The following ADGRA3 variants were observed in gnomAD, a reference collection of about 807,000 sequenced individuals.
The protein encoded by ADGRA3 is adhesion G protein-coupled receptor A3.
Under a neutral mutation model 119.8 loss-of-function variants are expected in ADGRA3, and 56 were observed. The observed-to-expected ratio is 0.47, with a 90% CI of 0.38 to 0.58. ADGRA3 has a LOEUF of 0.58. Among genes scored for constraint, ADGRA3 ranks in the 20% least tolerant of loss-of-function variants. The pLI is 0.00. For missense variants in ADGRA3, 1,516 were observed against 1,649.0 expected (o/e 0.92, Z 1.40); for synonymous variants, 607 against 623.8 (o/e 0.97, Z 0.40).
chr4:22,486,509 C>G (rs1018989048), intron 1 of ADGRA3, among the ~76,000 whole-genome samples: 1 of 152,134 alleles, frequency 6.6e-6, no homozygotes, highest in Non-Finnish European at 1.5e-5. Flanking sequence ...TCTAAAGTCC[C>G]AGGTCCTCTG....
chr4:22,477,601 G>C (rs1243282421), intron 1 of ADGRA3: 2 of 152,112 alleles, frequency 1.3e-5, no homozygotes, highest in East Asian at 3.9e-4. Context: ...ACACGGCCAG[G>C]GTAGTGGCTG....
intron 14 of ADGRA3, among the ~76,000 whole-genome samples, chr4:22,406,471 TGTTA>T (rs1279393973): frequency 1.3e-5 from 2 of 152,198 alleles, no homozygotes; most frequent in Non-Finnish European, 2.9e-5. Context: ...CTCCACATTC[TGTTA>T]TTTTTTGTCT....
intron 14 of ADGRA3, among the ~76,000 whole-genome samples, chr4:22,410,550 A>G (rs997199710): frequency 3.3e-5 from 5 of 152,176 alleles, no homozygotes; most frequent in African/African-American, 1.2e-4. Context: ...ACTATATCCC[A>G]AGATAGGAAT....
At chr4:22,451,280 T>C (rs1717032244) in intron 4 of ADGRA3, among the ~76,000 whole-genome samples, 1 of 152,054 alleles carries the variant, frequency 6.6e-6, no homozygotes, top group African/African-American at 2.4e-5. Context: ...TAAAGAACAA[T>C]TTGAAAAAAT....
chr4:22,421,091 T>C lies in ADGRA3; in HGVS notation c.1606-2A>G, dbSNP rs2109035426. On this transcript the variant is annotated splice_acceptor_variant, in intron 11 of 18. Coordinates refer to ENST00000334304, the MANE Select transcript of ADGRA3 (RefSeq NM_145290.4). LOFTEE classifies it high-confidence loss of function. ...TTCCAGAGCAATATTGGGTGAATAC[T>C]TGAAAAGTCAATCAAACAGGAGTTA... The C allele has an allele frequency of 6.2e-7, 1 of 1,611,902 alleles. No homozygotes were observed. The highest frequency in any genetic ancestry group is 2.2e-5 in the East Asian group (1 of 44,838).
intron 1 of ADGRA3, among the ~76,000 whole-genome samples, chr4:22,494,331 G>T (rs1718737134): frequency 1.3e-5 from 2 of 151,918 alleles, no homozygotes; most frequent in African/African-American, 2.4e-5. Flanking sequence ...AAAAGGGGAG[G>T]CATGAATAAT....
Position 22,387,610 on chromosome 4 carries a change from C to A in ADGRA3, c.*95G>T, listed in dbSNP as rs1265064389. The A allele has an allele frequency of 8.2e-7, 1 of 1,215,472 alleles. No individual in the cohort carries two copies. Among genetic ancestry groups the A allele is most frequent in the South Asian group, 1.8e-5 (1 of 54,338 alleles). 75.3% of individuals were successfully genotyped at this position (1,215,472 alleles called of 1,614,324 possible). The stretch of plus-strand genomic sequence containing the variant: ...GTTTATTCCAAATTCTTTTGAATCC[C>A]TATGGTGGCTGTAAACAGTTTTTAA... On this transcript the variant is annotated 3_prime_UTR_variant, in exon 19 of 19. Coordinates refer to ENST00000334304, the MANE Select transcript of ADGRA3 (RefSeq NM_145290.4).
intron 2 of ADGRA3, among the ~76,000 whole-genome samples, chr4:22,465,487 G>A (rs945501247): frequency 1.3e-5 from 2 of 152,176 alleles, no homozygotes; most frequent in African/African-American, 4.8e-5. Context: ...ACAATCTGAA[G>A]AAGCCAACAG....
intron 16 of ADGRA3, among the ~76,000 whole-genome samples, chr4:22,399,488 G>A (rs1267831588): frequency 6.9e-6 from 1 of 143,932 alleles, no homozygotes; most frequent in East Asian, 2.3e-4. Context: ...AAACCACCTA[G>A]AGTTGACTTT....
At chr4:22,509,619 T>TC (rs1336876628) in intron 1 of ADGRA3, among the ~76,000 whole-genome samples, 1 of 151,916 alleles carries the variant, frequency 6.6e-6, no homozygotes, top group African/African-American at 2.4e-5. Context: ...CTGTTTCGTC[T>TC]CCACCTGGCA....
rs766605600 is a variant in ADGRA3 at position 22,445,015 on chromosome 4, C to T, written c.664G>A (p.Ala222Thr). The change falls in exon 6 of 19, where the codon GCC becomes ACC. Residue 222 changes from alanine (A) to threonine (T), a missense_variant. By Grantham distance (58) the Ala-to-Thr change is moderately conservative. Coordinates refer to ENST00000334304, the MANE Select transcript of ADGRA3 (RefSeq NM_145290.4). ...TGCTTCACGCCTGTGACTGGTTGGG[C>T]CTGCAGTGACTTAGGATAAACACAC... ...TRCVYPKSLQ[A>T]QPVTGVKQEL... The T allele has an allele frequency of 6.2e-7, 1 of 1,613,696 alleles. No homozygotes were observed. The highest frequency in any genetic ancestry group is 8.5e-7 in the Non-Finnish European group (1 of 1,179,918).
At chr4:22,476,250 C>T (rs1718038438) in intron 1 of ADGRA3, among the ~76,000 whole-genome samples, 1 of 152,066 alleles carries the variant, frequency 6.6e-6, no homozygotes, top group South Asian at 2.1e-4. Flanking sequence ...AGCAGCCCGG[C>T]AGAGCATACC....
At position 22,401,918 on chromosome 4, in the gene ADGRA3, A is replaced by G. The variant is rs150401674; in HGVS notation, c.2358-364T>C. ...TGCTTGGCCACCTAGAGATTTCTGC[A>G]AGATGCCAATGGGTCTTTTTTTGAC... On this transcript the variant is annotated intron_variant, in intron 15 of 18. Transcript: ENST00000334304. 4.3e-4 allele frequency among the ~76,000 whole-genome samples: 65 copies of G among 152,288 alleles called. No homozygotes were observed. In the East Asian group the frequency reaches 0.012, roughly 29 times the overall value.
At position 22,413,353 on chromosome 4, in the gene ADGRA3, A is replaced by G; in HGVS notation, c.2061T>C (p.Asn687=). The G allele has an allele frequency of 6.2e-7, 1 of 1,614,088 alleles. No homozygotes were observed. The highest frequency in any genetic ancestry group is 8.5e-7 in the Non-Finnish European group (1 of 1,179,960). Residue 687 remains asparagine, a synonymous_variant, in exon 14 of 19, where the codon AAT becomes AAC. Transcript: ENST00000334304. ...CATGTGCAATTCGACGCAGTGTCACATTAACAGGGATGTGGTGGGTATCTA... is the reference window on the plus strand; with the variant it reads ...CATGTGCAATTCGACGCAGTGTCACGTTAACAGGGATGTGGTGGGTATCTA... ...VNVDTHHIPV[N]VTLRRIAHGA... is the part of the protein sequence containing the mutation.
chr4:22,475,149 C>G (rs1717993188), intron 1 of ADGRA3, among the ~76,000 whole-genome samples: 1 of 152,126 alleles, frequency 6.6e-6, no homozygotes, highest in South Asian at 2.1e-4. Context: ...CTATCCCTTT[C>G]AAGTTATGTT....
intron 11 of ADGRA3, among the ~76,000 whole-genome samples, chr4:22,422,701 C>T (rs1303433691): frequency 1.3e-5 from 2 of 152,144 alleles, no homozygotes; most frequent in African/African-American, 4.8e-5. Context: ...CCTACTATGA[C>T]CTTTATTGTA....
At chr4:22,409,547 G>A (rs187670286) in intron 14 of ADGRA3, among the ~76,000 whole-genome samples, 11 of 152,270 alleles carry the variant, frequency 7.2e-5, no homozygotes, top group African/African-American at 2.6e-4. Flanking sequence ...CATCTGTACA[G>A]TGGGGGTGAT....
chr4:22,482,491 T>TA (rs34275951), intron 1 of ADGRA3, among the ~76,000 whole-genome samples: 53 of 143,538 alleles, frequency 3.7e-4, no homozygotes, highest in African/African-American at 7.2e-4. Context: ...CCCCAACTCT[T>TA]AAAAAAAAAA....
chr4:22,492,328 G>A (rs2109151044), intron 1 of ADGRA3, among the ~76,000 whole-genome samples: 2 of 152,226 alleles, frequency 1.3e-5, no homozygotes, highest in Middle Eastern at 6.8e-3. Flanking sequence ...AGGCCTGGTT[G>A]GAACTTTTAA....
Sources: allele counts gnomAD v4.1 joint callset (sites outside exome capture counted in the v4.1 genomes callset), GRCh38; gene constraint gnomAD v4.1.1; transcripts MANE v1.5; gene names NCBI Gene and HGNC (gene_info 2026-07-23, HGNC 2026-07-21).